CACNA1E: variants seen among roughly 807,000 people sequenced by gnomAD.
The protein encoded by CACNA1E is calcium voltage-gated channel subunit alpha1 E.
A neutral mutation model predicts 259.2 loss-of-function variants in CACNA1E; 40 were observed. That is an observed-to-expected ratio of 0.15 (90% CI 0.12 to 0.20). The LOEUF (loss-of-function observed/expected upper bound fraction) is 0.20, where lower values mean the gene tolerates loss of function less well. CACNA1E is among the 10% of genes least tolerant of loss of function. CACNA1E has a pLI of 1.00. For missense variants in CACNA1E, 1,874 were observed against 3,040.1 expected (o/e 0.62, Z 9.02); for synonymous variants, 1,104 against 1,138.5 (o/e 0.97, Z 0.61).
At chr1:181,524,417 A>G (rs1207185720) in intron 3 of CACNA1E, among the ~76,000 whole-genome samples, 1 of 152,154 alleles carries the variant, frequency 6.6e-6, no homozygotes, top group East Asian at 1.9e-4. Flanking sequence ...AGGCTATAGG[A>G]GTCTCATTTT....
intron 6 of CACNA1E, among the ~76,000 whole-genome samples, chr1:181,640,774 A>G (rs1466682859): frequency 1.3e-5 from 2 of 152,240 alleles, no homozygotes. Flanking sequence ...GGAAACTTAT[A>G]TAGGCTTGTG....
intron 7 of CACNA1E, among the ~76,000 whole-genome samples, chr1:181,699,982 G>A (rs546308991): frequency 6.6e-6 from 1 of 152,200 alleles, no homozygotes; most frequent in East Asian, 1.9e-4. Context: ...CAAGCTCAGT[G>A]GTGAATTTGG....
At chr1:181,670,790 G>T (rs1265797106) in intron 7 of CACNA1E, among the ~76,000 whole-genome samples, 2 of 152,104 alleles carry the variant, frequency 1.3e-5, no homozygotes, top group East Asian at 3.9e-4. Flanking sequence ...TGTTCACAGA[G>T]AAGTTTCTCC....
chr1:181,657,363 A>G (rs976054289), intron 7 of CACNA1E, among the ~76,000 whole-genome samples: 4 of 152,142 alleles, frequency 2.6e-5, no homozygotes, highest in Non-Finnish European at 5.9e-5. Flanking sequence ...TCTAAAATGG[A>G]AAGATAAAGA....
intron 2 of CACNA1E, among the ~76,000 whole-genome samples, chr1:181,441,754 T>C (rs1276841925): frequency 6.6e-6 from 1 of 152,160 alleles, no homozygotes. Flanking sequence ...GGAGCTGGGA[T>C]TTGCGGGCAG....
intron 1 of CACNA1E, among the ~76,000 whole-genome samples, chr1:181,393,462 T>C (rs1656439226): frequency 6.6e-6 from 1 of 152,138 alleles, no homozygotes; most frequent in South Asian, 2.1e-4. Context: ...GATCTTTTCT[T>C]TTCTTTTTTT....
intron 3 of CACNA1E, among the ~76,000 whole-genome samples, chr1:181,553,946 G>A (rs1392001872): frequency 6.6e-6 from 1 of 152,138 alleles, no homozygotes; most frequent in African/African-American, 2.4e-5. Context: ...AGAAAGCAGA[G>A]CCACAGAGAG....
intron 3 of CACNA1E, among the ~76,000 whole-genome samples, chr1:181,566,570 G>A (rs1048210801): frequency 2.0e-5 from 3 of 152,056 alleles, no homozygotes; most frequent in Admixed American, 6.5e-5. Context: ...CTTTATTTCT[G>A]TATTCTTCGT....
At chr1:181,717,026 C>A (rs759216414) in intron 10 of CACNA1E, 67 bp from the exon 11 acceptor site, 2 of 1,392,108 alleles carry the variant, frequency 1.4e-6, no homozygotes, top group Non-Finnish European at 2.0e-6. Context: ...TCTTGCCCTT[C>A]GAATGCTCCC....
intron 1 of CACNA1E, among the ~76,000 whole-genome samples, chr1:181,392,121 G>A (rs868327536): frequency 2.9e-4 from 44 of 152,212 alleles, no homozygotes; most frequent in African/African-American, 9.9e-4. Context: ...AAAGGGTAAG[G>A]AATAGGGAGT....
At chr1:181,590,414 A>ATAT (rs1206091612) in intron 6 of CACNA1E, among the ~76,000 whole-genome samples, 22 of 125,720 alleles carry the variant, frequency 1.7e-4, no homozygotes, top group African/African-American at 6.8e-4. Context: ...AAAAAAAAAA[A>ATAT]AAATATATAT....
chr1:181,738,848 A>G (rs1287673090), intron 24 of CACNA1E, among the ~76,000 whole-genome samples: 4 of 152,172 alleles, frequency 2.6e-5, no homozygotes, highest in Non-Finnish European at 5.9e-5. Flanking sequence ...CCAGGATTTT[A>G]CCCATCTGTG....
At chr1:181,365,419 G>A (rs1389504913) in intron 1 of CACNA1E, among the ~76,000 whole-genome samples, 4 of 152,298 alleles carry the variant, frequency 2.6e-5, no homozygotes, top group African/African-American at 9.6e-5. Context: ...CAATATTCCC[G>A]CCTTGACCTC....
intron 1 of CACNA1E, among the ~76,000 whole-genome samples, chr1:181,397,550 G>A (rs748362618): frequency 3.3e-5 from 5 of 152,008 alleles, no homozygotes; most frequent in African/African-American, 7.3e-5. Flanking sequence ...CGCCTGCCTC[G>A]GCCTCCCAAA....
intron 1 of CACNA1E, among the ~76,000 whole-genome samples, chr1:181,509,932 TG>T (rs1205997965): frequency 1.3e-5 from 2 of 152,158 alleles, no homozygotes; most frequent in Non-Finnish European, 2.9e-5. Context: ...TGGAGAGAAT[TG>T]TTTATTTTCC....
At chr1:181,771,165 T>G (rs1213551159) in intron 35 of CACNA1E, 128 bp from the exon 36 acceptor site, 2 of 616,628 alleles carry the variant, frequency 3.2e-6, no homozygotes, top group Non-Finnish European at 5.9e-6. Flanking sequence ...GCTCTCTGGG[T>G]CTGAGTTGTC....
At chr1:181,737,231 A>T (rs1656126942) in intron 22 of CACNA1E, among the ~76,000 whole-genome samples, 1 of 152,158 alleles carries the variant, frequency 6.6e-6, no homozygotes, top group Admixed American at 6.5e-5. Context: ...AGAGGGTGCT[A>T]TGCAGCTGCC....
intron 6 of CACNA1E, among the ~76,000 whole-genome samples, chr1:181,604,245 C>T (rs551372554): frequency 7.3e-4 from 111 of 152,318 alleles, no homozygotes; most frequent in African/African-American, 2.0e-3. Flanking sequence ...ACCACCAGGG[C>T]GTGAGCTTTT....
chr1:181,695,663 T>TA (rs200157706), intron 7 of CACNA1E, among the ~76,000 whole-genome samples: 4 of 152,138 alleles, frequency 2.6e-5, no homozygotes, highest in South Asian at 2.1e-4. Flanking sequence ...TATATTCATA[T>TA]AAAAAAAGTG....
Sources: allele counts gnomAD v4.1 joint callset (sites outside exome capture counted in the v4.1 genomes callset), GRCh38; gene constraint gnomAD v4.1.1; transcripts MANE v1.5; gene names NCBI Gene and HGNC (gene_info 2026-07-23, HGNC 2026-07-21).